The following CELF2 variants were observed in gnomAD, a reference collection of about 807,000 sequenced individuals.
CELF2 encodes the protein CUGBP Elav-like family member 2.
Under a neutral mutation model 62.6 loss-of-function variants are expected in CELF2, and 8 were observed. The ratio of observed to expected loss-of-function variants is 0.13; its 90% CI spans 0.07 to 0.23. CELF2 has a LOEUF of 0.23. Ranked by LOEUF, CELF2 falls within the 10% of genes least tolerant of loss-of-function variation. The pLI, the probability that CELF2 is intolerant of heterozygous loss-of-function variation, is 1.00. For missense variants in CELF2, 333 were observed against 671.0 expected (o/e 0.50, Z 5.56); for synonymous variants, 258 against 250.0 (o/e 1.03, Z -0.30).
chr10:10,618,765 T>G, the CELF2 span, among the ~76,000 whole-genome samples: 4 of 151,998 alleles, frequency 2.6e-5, no homozygotes, highest in Non-Finnish European at 5.9e-5. Context: ...GGAGTGAGTT[T>G]AAAAGTAGAG....
In CELF2 at chr10:10,867,301, C is replaced by G. The variant is rs377745822; in HGVS notation, c.54-52663C>G. Among the ~76,000 whole-genome samples the G allele has an allele frequency of 4.6e-5, 7 of 152,328 alleles. No individual in the cohort carries two copies. In the East Asian group the frequency reaches 1.2e-3, roughly 25 times the overall value. ...ACACCATTGAGTGTGGACAAATATA[C>G]AGTCTCACCCTCCATTGTGAACCAT... On this transcript the variant is annotated intron_variant, in intron 1 of 13. Coordinates refer to the CELF2 transcript ENST00000636488.
chr10:10,645,098 A>T, the CELF2 span, among the ~76,000 whole-genome samples: 1 of 152,178 alleles, frequency 6.6e-6, no homozygotes, highest in African/African-American at 2.4e-5. Context: ...AAGAACATGG[A>T]TGCTTTCAGG....
At chr10:10,592,666 C>G in the CELF2 span, among the ~76,000 whole-genome samples, 5 of 152,098 alleles carry the variant, frequency 3.3e-5, no homozygotes, top group Non-Finnish European at 5.9e-5. Context: ...ATTTGGGGAG[C>G]CTTTCCCTTA....
the CELF2 span, among the ~76,000 whole-genome samples, chr10:10,602,967 C>T: frequency 6.6e-6 from 1 of 152,032 alleles, no homozygotes; most frequent in Admixed American, 6.6e-5. Flanking sequence ...TGCGACTGTG[C>T]GTAGCAAGGC....
intron 1 of CELF2, among the ~76,000 whole-genome samples, chr10:11,083,898 A>G (rs1415965544): frequency 6.6e-6 from 1 of 152,184 alleles, no homozygotes; most frequent in Non-Finnish European, 1.5e-5. Context: ...TGTACTGACC[A>G]CGTCTTCACT....
intron 1 of CELF2, among the ~76,000 whole-genome samples, chr10:11,103,566 A>C (rs1378256917): frequency 6.8e-6 from 1 of 148,072 alleles, no homozygotes; most frequent in African/African-American, 2.5e-5. Context: ...TCTCATATGC[A>C]AAGGGGGGAA....
rs552120675 is a variant in CELF2 at position 10,999,070 on chromosome 10, G to A, written c.89+79071G>A. ...AGTTTATCATTCCATCTCAAGGAAT[G>A]TATCAAATCCTTAAAGTTAGGAACA... On this transcript the variant is annotated intron_variant, in intron 2 of 13. Transcript: ENST00000636488. Among the ~76,000 whole-genome samples, 103 of 152,304 alleles carry A rather than the reference G, an allele frequency of 6.8e-4. 1 individual carries two copies. The highest frequency in any genetic ancestry group is 3.9e-3 in the South Asian group (19 of 4,828).
Position 10,968,599 on chromosome 10 carries a change from A to G in CELF2, c.89+48600A>G, listed in dbSNP as rs558408903. On this transcript the variant is annotated intron_variant, in intron 2 of 13. Transcript: ENST00000636488. ...GACTTTTGAAAAGCGTAACTAATATAAAGATTCCAGTAAGGACATATGTGC... is the reference window on the plus strand; with the variant it reads ...GACTTTTGAAAAGCGTAACTAATATGAAGATTCCAGTAAGGACATATGTGC... Among the ~76,000 whole-genome samples, 455 of 152,284 alleles carry G rather than the reference A, an allele frequency of 3.0e-3. 1 individual carries two copies. The highest frequency in any genetic ancestry group is 0.01 in the African/African-American group (435 of 41,558).
intron 1 of CELF2, among the ~76,000 whole-genome samples, chr10:11,115,115 G>C (rs1220083714): frequency 6.6e-6 from 1 of 152,188 alleles, no homozygotes; most frequent in Non-Finnish European, 1.5e-5. Context: ...AAATGGTCCA[G>C]GATGCAGATT....
At chr10:10,989,542 C>T (rs2053198084) in intron 2 of CELF2, among the ~76,000 whole-genome samples, 1 of 151,682 alleles carries the variant, frequency 6.6e-6, no homozygotes, top group South Asian at 2.1e-4. Flanking sequence ...ACACCATGAA[C>T]CAAAATACAT....
rs375629126 is a variant in CELF2 at position 11,253,170 on chromosome 10, C to T, written c.403+3969C>T. Among the ~76,000 whole-genome samples, 77 of 152,212 alleles carry T rather than the reference C, an allele frequency of 5.1e-4. 1 individual carries two copies. In the South Asian group the frequency reaches 0.013, roughly 25 times the overall value. On this transcript the variant is annotated intron_variant, in intron 4 of 12. Transcript: ENST00000633077. ...TCACTCTGATGTCTTTGCCTCTTGC[C>T]GCAAGGGAAGTTGCTTGTTGTTTTT...
chr10:11,057,110 A>C (rs530521608), intron 1 of CELF2, among the ~76,000 whole-genome samples: 1 of 152,218 alleles, frequency 6.6e-6, no homozygotes, highest in South Asian at 2.1e-4. Flanking sequence ...TGTAACAGAG[A>C]AACAGTTTGC....
chr10:11,094,166 A>AACTTG (rs2049119342), intron 1 of CELF2, among the ~76,000 whole-genome samples: 1 of 152,216 alleles, frequency 6.6e-6, no homozygotes, highest in African/African-American at 2.4e-5. Flanking sequence ...GTGGCAAATT[A>AACTTG]ACTTGCTGGC....
At chr10:10,968,269 A>C (rs1482030059) in intron 2 of CELF2, among the ~76,000 whole-genome samples, 1 of 152,106 alleles carries the variant, frequency 6.6e-6, no homozygotes, top group Non-Finnish European at 1.5e-5. Context: ...CCCAGAAAAA[A>C]ATTCTTGGCT....
At chr10:10,559,487 A>G in the CELF2 span, among the ~76,000 whole-genome samples, 1 of 152,206 alleles carries the variant, frequency 6.6e-6, no homozygotes, top group Non-Finnish European at 1.5e-5. Context: ...TCAAAACACC[A>G]CCAAAGGTTT....
chr10:11,091,292 C>G (rs1041221060), intron 1 of CELF2, among the ~76,000 whole-genome samples: 1 of 152,140 alleles, frequency 6.6e-6, no homozygotes, highest in Non-Finnish European at 1.5e-5. Flanking sequence ...AATCGCTGGT[C>G]TTCCAGGACA....
In CELF2 at chr10:10,931,037, T is replaced by C. The variant is rs1254552686; in HGVS notation, c.89+11038T>C. Among the ~76,000 whole-genome samples, 1 of 152,232 alleles carries C rather than the reference T, an allele frequency of 6.6e-6. No individual in the cohort carries two copies. Among genetic ancestry groups the C allele is most frequent in the Non-Finnish European group, 1.5e-5 (1 of 68,040 alleles). On this transcript the variant is annotated intron_variant, in intron 2 of 13. Coordinates refer to the CELF2 transcript ENST00000636488. The surrounding 1 kb of genome is among the most constrained non-coding windows in gnomAD (Gnocchi z 6.1). ...CCACTGATGTTTGGGATTGTCGAGCTACCAAGAACACATAAATTAATAAAA... is the reference window on the plus strand; with the variant it reads ...CCACTGATGTTTGGGATTGTCGAGCCACCAAGAACACATAAATTAATAAAA...
chr10:10,685,264 A>G, the CELF2 span, among the ~76,000 whole-genome samples: 1 of 152,222 alleles, frequency 6.6e-6, no homozygotes, highest in African/African-American at 2.4e-5. Flanking sequence ...TTTATGCAGC[A>G]TCGTTCAACT....
At chr10:10,820,955 C>G (rs1012202083) in intron 1 of CELF2, among the ~76,000 whole-genome samples, 6 of 151,944 alleles carry the variant, frequency 3.9e-5, no homozygotes, top group African/African-American at 1.5e-4. Flanking sequence ...TGTAGATATC[C>G]CGGCCAGAGA....
Sources: allele counts gnomAD v4.1 joint callset (sites outside exome capture counted in the v4.1 genomes callset), GRCh38; gene constraint gnomAD v4.1.1; non-coding constraint Gnocchi (gnomAD v3.1); transcripts MANE v1.5; gene names NCBI Gene and HGNC (gene_info 2026-07-23, HGNC 2026-07-21).